HS6ST3: variants seen among roughly 807,000 people sequenced by gnomAD.
HS6ST3 encodes heparan-sulfate 6-O-sulfotransferase 3.
HS6ST3 carries 12 observed loss-of-function variants against 36.7 expected under a neutral mutation model. The observed-to-expected ratio is 0.33, with a 90% CI of 0.21 to 0.53. The LOEUF is 0.53. HS6ST3 is among the 20% of genes least tolerant of loss of function. HS6ST3 has a pLI of 0.95. For missense variants in HS6ST3, 584 were observed against 640.9 expected, an observed-to-expected ratio of 0.91 and a Z score of 0.96; for synonymous variants, 240 against 257.5, an observed-to-expected ratio of 0.93 and a Z score of 0.65.
intron 1 of HS6ST3, among the ~76,000 whole-genome samples, chr13:96,621,426 C>T (rs1007492095): frequency 2.6e-5 from 4 of 152,128 alleles, no homozygotes; most frequent in Non-Finnish European, 4.4e-5. Flanking sequence ...GAAGAAGGTG[C>T]CTGCTTCCCT....
At chr13:96,638,128 G>A (rs552088) in intron 1 of HS6ST3, among the ~76,000 whole-genome samples, 147,748 of 152,110 alleles carry the variant, frequency 0.97, 71,844 homozygotes, top group East Asian at 1. Context: ...ATCCTGGGAA[G>A]GTCTCAGGCA....
chr13:96,296,627 A>C (rs1384501941), intron 1 of HS6ST3, among the ~76,000 whole-genome samples: 1 of 152,154 alleles, frequency 6.6e-6, no homozygotes, highest in Non-Finnish European at 1.5e-5. Context: ...TTTACTATTT[A>C]TATAGCTGTT....
intron 1 of HS6ST3, among the ~76,000 whole-genome samples, chr13:96,198,199 GCA>G (rs2054323643): frequency 6.6e-6 from 1 of 152,192 alleles, no homozygotes; most frequent in Non-Finnish European, 1.5e-5. Context: ...GGGACACAGG[GCA>G]CCAAGTGCCT....
intron 1 of HS6ST3, among the ~76,000 whole-genome samples, chr13:96,162,070 A>G (rs530921089): frequency 6.6e-6 from 1 of 152,340 alleles, no homozygotes; most frequent in Non-Finnish European, 1.5e-5. Flanking sequence ...ATTAAAATGA[A>G]AAACATAGCT....
chr13:96,731,499 ATACT>A (rs1876152831), intron 1 of HS6ST3, among the ~76,000 whole-genome samples: 1 of 152,066 alleles, frequency 6.6e-6, no homozygotes, highest in South Asian at 2.1e-4. Flanking sequence ...CTTTTCATAG[ATACT>A]TAGGTTGATT....
intron 1 of HS6ST3, among the ~76,000 whole-genome samples, chr13:96,504,397 C>T (rs1248810017): frequency 6.6e-6 from 1 of 152,030 alleles, no homozygotes; most frequent in Non-Finnish European, 1.5e-5. Context: ...ATCTTGGAAC[C>T]TGCAGATATT....
rs1276453125 is a variant in HS6ST3, at chr13:96,839,344, T to A, written c.*6146T>A. On this transcript the variant is annotated 3_prime_UTR_variant, in exon 2 of 2. Coordinates refer to ENST00000376705, the MANE Select transcript of HS6ST3 (RefSeq NM_153456.4). ...GGGGACCTATTTTACATGTAGATAG[T>A]TATTCAGTAGATAGTAAATTATTTC... is the stretch of plus-strand genomic sequence containing the variant. 6.6e-6 allele frequency: 1 copy of A among 152,224 alleles called. No homozygotes were observed. Among genetic ancestry groups the A allele is most frequent in the African/African-American group, 2.4e-5 (1 of 41,464 alleles). 9.4% of individuals were successfully genotyped at this position (152,224 alleles called of 1,614,324 possible). A position where few individuals can be genotyped will look rare whatever the true frequency, so the allele number is the denominator to read the frequency against.
At position 96,090,704 on chromosome 13, in the gene HS6ST3, C is replaced by T; in HGVS notation, c.-159C>T. ...CCCCGGCTCCTCAAGCCCCGAGGGC[C>T]GCGGGGCCGCCAGCCAGCCACACGC... On this transcript the variant is annotated 5_prime_UTR_variant, in exon 1 of 2. Transcript: ENST00000376705. The T allele has an allele frequency of 2.8e-6, 1 of 351,734 alleles. No individual in the cohort carries two copies. The highest frequency in any genetic ancestry group is 4.4e-6 in the Non-Finnish European group (1 of 225,150). 21.8% of individuals were successfully genotyped at this position (351,734 alleles called of 1,614,324 possible). A position where few individuals can be genotyped will look rare whatever the true frequency, so the allele number is the denominator to read the frequency against.
Position 96,673,119 on chromosome 13 carries a change from T to C in HS6ST3, c.708-159371T>C, listed in dbSNP as rs143318562. ...CAGCCTTCCTACGCTGGTGGCCATATCACATCAGTCTTCAAGGCCAGCATC... is the reference window on the plus strand; with the variant it reads ...CAGCCTTCCTACGCTGGTGGCCATACCACATCAGTCTTCAAGGCCAGCATC... On this transcript the variant is annotated intron_variant, in intron 1 of 1. Coordinates refer to ENST00000376705, the MANE Select transcript of HS6ST3 (RefSeq NM_153456.4). 1.2e-4 allele frequency among the ~76,000 whole-genome samples: 19 copies of C among 152,274 alleles called. No homozygotes were observed. The East Asian group carries it at 3.7e-3, about 29-fold the overall frequency.
intron 1 of HS6ST3, among the ~76,000 whole-genome samples, chr13:96,434,072 T>C (rs755284932): frequency 5.4e-4 from 83 of 152,306 alleles, no homozygotes; most frequent in Non-Finnish European, 1.1e-3. Context: ...AAGATAGCAG[T>C]CTGCAAGTCA....
At chr13:96,363,031 A>T (rs752562489) in intron 1 of HS6ST3, among the ~76,000 whole-genome samples, 1 of 152,026 alleles carries the variant, frequency 6.6e-6, no homozygotes, top group Non-Finnish European at 1.5e-5. Context: ...GGAGGTCATG[A>T]TTATAAAGGT....
At chr13:96,471,570 C>A (rs2055840328) in intron 1 of HS6ST3, among the ~76,000 whole-genome samples, 1 of 152,164 alleles carries the variant, frequency 6.6e-6, no homozygotes, top group Non-Finnish European at 1.5e-5. Flanking sequence ...AGGATTCTCT[C>A]ATTTTCATAA....
chr13:96,324,986 AT>A (rs1388128408), intron 1 of HS6ST3, among the ~76,000 whole-genome samples: 5 of 152,176 alleles, frequency 3.3e-5, no homozygotes, highest in Admixed American at 3.3e-4. Context: ...TGGGCATAAC[AT>A]TTTAGGATGG....
At chr13:96,705,299 T>C (rs149344904) in intron 1 of HS6ST3, among the ~76,000 whole-genome samples, 1 of 152,268 alleles carries the variant, frequency 6.6e-6, no homozygotes, top group Non-Finnish European at 1.5e-5. Context: ...TCCTCTCCAA[T>C]CTCTTGGGAC....
chr13:96,112,122 C>T (rs548027912), intron 1 of HS6ST3, among the ~76,000 whole-genome samples: 1 of 152,068 alleles, frequency 6.6e-6, no homozygotes, highest in South Asian at 2.1e-4. Context: ...CAGAAAGCCC[C>T]AGAAATAGAT....
At chr13:96,439,414 A>G (rs1480164308) in intron 1 of HS6ST3, among the ~76,000 whole-genome samples, 1 of 152,250 alleles carries the variant, frequency 6.6e-6, no homozygotes, top group Non-Finnish European at 1.5e-5. Flanking sequence ...GCTAACTGTA[A>G]TTCCAAGGGA....
chr13:96,324,871 C>T (rs530998248), intron 1 of HS6ST3, among the ~76,000 whole-genome samples: 8 of 152,206 alleles, frequency 5.3e-5, no homozygotes, highest in Non-Finnish European at 1.2e-4. Context: ...GACTTCTGGT[C>T]TCCAGAACTG....
At chr13:96,799,776 T>C (rs1298997492) in intron 1 of HS6ST3, among the ~76,000 whole-genome samples, 1 of 142,622 alleles carries the variant, frequency 7.0e-6, no homozygotes, top group Non-Finnish European at 1.5e-5. Flanking sequence ...AAACTTAAAG[T>C]ATAATAATAA....
At chr13:96,539,280 C>A (rs1377678769) in intron 1 of HS6ST3, among the ~76,000 whole-genome samples, 1 of 152,154 alleles carries the variant, frequency 6.6e-6, no homozygotes, top group Non-Finnish European at 1.5e-5. Context: ...AATCTGAGCT[C>A]CAATGTGTCT....
Sources: allele counts gnomAD v4.1 joint callset (sites outside exome capture counted in the v4.1 genomes callset), GRCh38; gene constraint gnomAD v4.1.1; transcripts MANE v1.5; gene names NCBI Gene and HGNC (gene_info 2026-07-23, HGNC 2026-07-21).